The following HAPLN1 variants were observed in gnomAD, a reference collection of about 807,000 sequenced individuals.
HAPLN1 encodes hyaluronan and proteoglycan link protein 1.
In HAPLN1, 13 loss-of-function variants were observed where a neutral mutation model predicts 36.5. The observed-to-expected ratio is 0.36, with a 90% CI of 0.23 to 0.57. The LOEUF (loss-of-function observed/expected upper bound fraction) is 0.57, where lower values mean the gene tolerates loss of function less well. Among genes scored for constraint, HAPLN1 ranks in the 20% least tolerant of loss-of-function variants. The pLI, the probability that HAPLN1 is intolerant of heterozygous loss-of-function variation, is 0.83. For synonymous variants in HAPLN1, 202 were observed against 169.8 expected (o/e 1.19, Z -1.48); for missense variants, 407 against 439.7 (o/e 0.93, Z 0.66).
chr5:83,646,647 G>C (rs1358596907), intron 3 of HAPLN1, among the ~76,000 whole-genome samples: 1 of 152,216 alleles, frequency 6.6e-6, no homozygotes, highest in Non-Finnish European at 1.5e-5. Flanking sequence ...AGCTGAATCA[G>C]AGCCAAAAGG....
rs936989731 is a variant in HAPLN1 at position 83,641,417 on chromosome 5, C to T, written c.*79G>A. The T allele has an allele frequency of 6.7e-6, 9 of 1,342,374 alleles. No homozygotes were observed. The highest frequency in any genetic ancestry group is 1.5e-5 in the African/African-American group (1 of 67,978). The allele number at this position is 1,342,374 out of a possible 1,614,324, so 83.2% of individuals were successfully genotyped here. A position where few individuals can be genotyped will look rare whatever the true frequency, so the allele number is the denominator to read the frequency against. The stretch of plus-strand genomic sequence containing the variant: ...GGGTTATCACAGTTTTGGTAACTTG[C>T]ATGAGTTCATATTGGAAAAAAAAAA... On this transcript the variant is annotated 3_prime_UTR_variant, in exon 5 of 5. Coordinates refer to ENST00000274341, the MANE Select transcript of HAPLN1 (RefSeq NM_001884.4).
At chr5:83,714,677 T>A (rs1384844007) in intron 1 of HAPLN1, among the ~76,000 whole-genome samples, 5 of 152,218 alleles carry the variant, frequency 3.3e-5, no homozygotes, top group African/African-American at 1.2e-4. Context: ...CATATTCCTT[T>A]TTCATCTCCA....
Position 83,638,584 on chromosome 5 carries a change from A to G in HAPLN1, c.*2912T>C, listed in dbSNP as rs771756270. 7.9e-5 allele frequency: 12 copies of G among 152,102 alleles called. No individual in the cohort carries two copies. The highest frequency in any genetic ancestry group is 1.5e-4 in the Non-Finnish European group (10 of 67,938). The allele number at this position is 152,102 out of a possible 1,614,324, so 9.4% of individuals were successfully genotyped here. On this transcript the variant is annotated 3_prime_UTR_variant, in exon 5 of 5. Coordinates refer to ENST00000274341, the MANE Select transcript of HAPLN1 (RefSeq NM_001884.4). ...CATATTCTTTGGAGTACTAAAATCA[A>G]GAAACCCAGAATGGCTGCCAGCAAC...
chr5:83,692,147 TG>T (rs1052823721), intron 1 of HAPLN1, among the ~76,000 whole-genome samples: 1 of 151,806 alleles, frequency 6.6e-6, no homozygotes. Context: ...CACTAAACTG[TG>T]GGACAACTTA....
At chr5:83,695,049 A>G (rs1751359956) in intron 1 of HAPLN1, among the ~76,000 whole-genome samples, 1 of 152,236 alleles carries the variant, frequency 6.6e-6, no homozygotes, top group African/African-American at 2.4e-5. Flanking sequence ...CCAAAAAGAT[A>G]TAAAATGGAT....
At chr5:83,673,928 A>T (rs1341695025) in intron 1 of HAPLN1, among the ~76,000 whole-genome samples, 1 of 152,246 alleles carries the variant, frequency 6.6e-6, no homozygotes, top group Non-Finnish European at 1.5e-5. Context: ...GCAATGTGTT[A>T]TGTCTGTATA....
At chr5:83,676,312 C>T (rs34176270) in intron 1 of HAPLN1, among the ~76,000 whole-genome samples, 71,713 of 151,908 alleles carry the variant, frequency 0.47, 17,739 homozygotes, top group East Asian at 0.75. Flanking sequence ...TCTGCAGTAA[C>T]TTGTGATTAG....
intron 3 of HAPLN1, among the ~76,000 whole-genome samples, chr5:83,647,841 A>T (rs1212845588): frequency 6.6e-6 from 1 of 152,220 alleles, no homozygotes; most frequent in Admixed American, 6.5e-5. Context: ...GGCAGCGACC[A>T]TGTAGCATAA....
chr5:83,707,771 A>T (rs532852132), intron 1 of HAPLN1, among the ~76,000 whole-genome samples: 4 of 152,364 alleles, frequency 2.6e-5, no homozygotes, highest in African/African-American at 9.6e-5. Context: ...GCACAGCAAA[A>T]TAAACTGTGA....
At chr5:83,696,273 C>T (rs1246376742) in intron 1 of HAPLN1, among the ~76,000 whole-genome samples, 2 of 151,906 alleles carry the variant, frequency 1.3e-5, no homozygotes, top group South Asian at 4.1e-4. Flanking sequence ...AAATAAATGG[C>T]AAGATATGGT....
intron 1 of HAPLN1, among the ~76,000 whole-genome samples, chr5:83,697,165 T>C (rs112563058): frequency 6.9e-4 from 105 of 152,262 alleles, no homozygotes; most frequent in African/African-American, 2.3e-3. Context: ...AATTTAATGA[T>C]TCAATGAATA....
At chr5:83,702,083 G>C (rs1008855405) in intron 1 of HAPLN1, among the ~76,000 whole-genome samples, 5 of 152,162 alleles carry the variant, frequency 3.3e-5, no homozygotes, top group African/African-American at 1.2e-4. Context: ...AATGATGCAA[G>C]CATGAGCCAT....
chr5:83,698,242 C>T (rs1751436736), intron 1 of HAPLN1, among the ~76,000 whole-genome samples: 2 of 151,950 alleles, frequency 1.3e-5, no homozygotes, highest in Non-Finnish European at 2.9e-5. Context: ...TCTACTTCTC[C>T]CAGCATCTCA....
intron 3 of HAPLN1, among the ~76,000 whole-genome samples, chr5:83,649,416 A>G (rs532950175): frequency 6.6e-6 from 1 of 150,966 alleles, no homozygotes; most frequent in Middle Eastern, 3.4e-3. Context: ...GCTTACATTC[A>G]TGGTCCAAAT....
intron 3 of HAPLN1, among the ~76,000 whole-genome samples, chr5:83,650,632 CTTTTTTTT>C (rs5869195): frequency 1.9e-5 from 2 of 103,764 alleles, no homozygotes; most frequent in African/African-American, 4.4e-5. Flanking sequence ...AAATTCTTTT[CTTTTTTTT>C]TTTTTTTTTT....
At chr5:83,680,193 T>C (rs1330146671) in intron 1 of HAPLN1, among the ~76,000 whole-genome samples, 1 of 152,124 alleles carries the variant, frequency 6.6e-6, no homozygotes, top group Non-Finnish European at 1.5e-5. Flanking sequence ...ATGCTTGAGA[T>C]GGGGGTTAGA....
intron 3 of HAPLN1, among the ~76,000 whole-genome samples, chr5:83,647,767 G>A (rs58797912): frequency 0.014 from 2,071 of 151,920 alleles, 47 homozygotes; most frequent in African/African-American, 0.047. Context: ...TAATCAAAAG[G>A]GACACATAAA....
rs1328902564 is a variant in HAPLN1 at position 83,638,734 on chromosome 5, A to G, written c.*2762T>C. 4 of 152,066 alleles carry G rather than the reference A, an allele frequency of 2.6e-5. No individual in the cohort carries two copies. Among genetic ancestry groups the G allele is most frequent in the Non-Finnish European group, 4.4e-5 (3 of 67,932 alleles). 9.4% of individuals were successfully genotyped at this position (152,066 alleles called of 1,614,324 possible). A position where few individuals can be genotyped will look rare whatever the true frequency, so the allele number is the denominator to read the frequency against. On this transcript the variant is annotated 3_prime_UTR_variant, in exon 5 of 5. Coordinates refer to ENST00000274341, the MANE Select transcript of HAPLN1 (RefSeq NM_001884.4). ...CATGAGAGAAAGTTTAAATTTACAA[A>G]CGCCATATTTGGCTAAAAATTACTG...
At chr5:83,660,912 G>C (rs1182644714) in intron 2 of HAPLN1, among the ~76,000 whole-genome samples, 2 of 152,150 alleles carry the variant, frequency 1.3e-5, no homozygotes, top group African/African-American at 4.8e-5. Context: ...CTGGCCTATA[G>C]TGAGTGCCCA....
Sources: gnomAD v4.1 joint callset for allele counts (sites outside exome capture counted in the v4.1 genomes callset) on GRCh38, gnomAD v4.1.1 for gene constraint, MANE v1.5 for transcripts, NCBI Gene and HGNC (gene_info 2026-07-23, HGNC 2026-07-21) for gene names.